The following WASHC5 variants were observed in gnomAD, a reference collection of about 807,000 sequenced individuals.
The protein encoded by WASHC5 is WASH complex subunit 5.
In WASHC5, 101 loss-of-function variants were observed where a neutral mutation model predicts 150.4. That is an observed-to-expected ratio of 0.67 (90% CI 0.57 to 0.79). The LOEUF (loss-of-function observed/expected upper bound fraction) is 0.79, where lower values mean the gene tolerates loss of function less well. WASHC5 is among the 30% of genes least tolerant of loss of function. The pLI is 0.00. For missense variants in WASHC5, 1,195 were observed against 1,396.3 expected, an observed-to-expected ratio of 0.86 and a Z score of 2.30; for synonymous variants, 467 against 491.2, an observed-to-expected ratio of 0.95 and a Z score of 0.65.
chr8:125,074,913 T>C, intron 8 of WASHC5, 85 bp downstream of exon 8: 1 of 839,944 alleles, frequency 1.2e-6, no homozygotes, highest in South Asian at 1.3e-5. Context: ...ATCTTCCAAA[T>C]TCCTTGGGAA....
chr8:125,086,621 A>C (rs1817428330), intron 1 of WASHC5, among the ~76,000 whole-genome samples: 1 of 152,102 alleles, frequency 6.6e-6, no homozygotes, highest in Admixed American at 6.5e-5. Context: ...TTTTGGGGGG[A>C]CCCAACTCAG....
At chr8:125,069,939 G>C (rs1464620328) in intron 9 of WASHC5, among the ~76,000 whole-genome samples, 1 of 152,182 alleles carries the variant, frequency 6.6e-6, no homozygotes, top group Non-Finnish European at 1.5e-5. Context: ...GTACCCAGTT[G>C]TTGGACAAAC....
chr8:125,027,633 G>A (rs1308523248), intron 28 of WASHC5, among the ~76,000 whole-genome samples: 1 of 152,168 alleles, frequency 6.6e-6, no homozygotes, highest in Non-Finnish European at 1.5e-5. Context: ...AATGGGAGGG[G>A]AGTGAGGATA....
intron 9 of WASHC5, among the ~76,000 whole-genome samples, chr8:125,068,853 T>G (rs942785908): frequency 3.3e-5 from 5 of 152,234 alleles, no homozygotes; most frequent in African/African-American, 1.2e-4. Context: ...TCTTAGATGA[T>G]CCTATCTGCC....
chr8:125,038,761 T>C (rs1815789298), intron 25 of WASHC5, 69 bp downstream of exon 25: 2 of 1,582,426 alleles, frequency 1.3e-6, no homozygotes. Flanking sequence ...TTCTGCACAG[T>C]AATCTGTTAC....
At chr8:125,026,821 A>G (rs1430672774) in intron 28 of WASHC5, among the ~76,000 whole-genome samples, 2 of 152,110 alleles carry the variant, frequency 1.3e-5, no homozygotes, top group East Asian at 3.8e-4. Context: ...AATACTTGAT[A>G]TAATATTTTA....
intron 1 of WASHC5, among the ~76,000 whole-genome samples, chr8:125,090,871 C>T (rs1381938734): frequency 6.6e-6 from 1 of 152,122 alleles, no homozygotes; most frequent in Non-Finnish European, 1.5e-5. Context: ...ATGCAAGCTG[C>T]ATATATTTTC....
chr8:125,067,748 A>G (rs1201370013), intron 9 of WASHC5, 29 bp from the exon 10 acceptor site: 1 of 1,609,278 alleles, frequency 6.2e-7, no homozygotes, highest in East Asian at 2.2e-5. Flanking sequence ...TTACCTGCTT[A>G]CTAAATGTGT....
chr8:125,067,559 A>C (rs1258918283), intron 10 of WASHC5, 33 bp downstream of exon 10: 2 of 1,568,834 alleles, frequency 1.3e-6, no homozygotes, highest in African/African-American at 1.4e-5. Context: ...AAAAAAGCTA[A>C]GACTGTGGTG....
rs551649682 is a variant in WASHC5, at chr8:125,071,601, T to C, written c.1150+1552A>G. Among the ~76,000 whole-genome samples the C allele has an allele frequency of 7.9e-5, 12 of 152,322 alleles. No homozygotes were observed. The East Asian group carries it at 2.3e-3, about 29-fold the overall frequency. On this transcript the variant is annotated intron_variant, in intron 9 of 28. Transcript: ENST00000318410. ...GCCTGGTTGGCTCCTGATTCCTGTATGGGGTTTCCTGACCTCCTCTGCTCC... is the reference window on the plus strand; with the variant it reads ...GCCTGGTTGGCTCCTGATTCCTGTACGGGGTTTCCTGACCTCCTCTGCTCC...
chr8:125,073,849 C>T (rs932966894), intron 8 of WASHC5, among the ~76,000 whole-genome samples: 2 of 152,204 alleles, frequency 1.3e-5, no homozygotes, highest in Non-Finnish European at 2.9e-5. Context: ...CAAACGGAGA[C>T]TTGGACCAGG....
chr8:125,057,752 A>T (rs1255508260), intron 14 of WASHC5, 86 bp from the exon 15 acceptor site: 151 of 870,334 alleles, frequency 1.7e-4, no homozygotes, highest in Non-Finnish European at 2.2e-4. Context: ...CATACAACAA[A>T]ACATTTGGGT....
intron 15 of WASHC5, among the ~76,000 whole-genome samples, 186 bp from the exon 16 acceptor site, chr8:125,057,003 G>A (rs1006157688): frequency 6.6e-6 from 1 of 152,112 alleles, no homozygotes; most frequent in Non-Finnish European, 1.5e-5. Context: ...AGAATATAAA[G>A]CTAATCCTTC....
rs757639369 is a variant in WASHC5, at chr8:125,081,709, A to G, written c.470T>C (p.Ile157Thr). 6.2e-6 allele frequency: 10 copies of G among 1,612,974 alleles called. No homozygotes were observed. Among genetic ancestry groups the G allele is most frequent in the South Asian group, 1.1e-5 (1 of 91,066 alleles). ...GVMLLVIDQK[I>T]EGEVRERMLV... ...CATCCTCTCTCTGACTTCTCCTTCA[A>G]TCTTTTGGTCAATGACCAGTAGCAT... Residue 157 changes from isoleucine to threonine, a missense_variant, in exon 5 of 29, where the codon ATT becomes ACT. Physicochemically the swap from Ile to Thr is moderately conservative, Grantham distance 89. Transcript: ENST00000318410.
At chr8:125,068,747 T>G (rs1412548207) in intron 9 of WASHC5, among the ~76,000 whole-genome samples, 5 of 152,122 alleles carry the variant, frequency 3.3e-5, no homozygotes, top group South Asian at 2.1e-4. Context: ...TGGCAGGCAG[T>G]CAGAGTTTTC....
In WASHC5 at chr8:125,075,001, T is replaced by C. The variant is rs773768832; in HGVS notation, c.975A>G (p.Glu325=). 7 of 1,594,702 alleles carry C rather than the reference T, an allele frequency of 4.4e-6. No individual in the cohort carries two copies. The highest frequency in any genetic ancestry group is 6.0e-6 in the Non-Finnish European group (7 of 1,162,608). Residue 325 remains glutamate, a synonymous_variant, in exon 8 of 29, where the codon GAA becomes GAG. Coordinates refer to ENST00000318410, the MANE Select transcript of WASHC5 (RefSeq NM_014846.4). ...ATGTCCCCAGATTAGAACCTACCTG[T>C]TCTCTGACATTTGAAAGGTCCAGGG... ...NNTLDLSNVR[E]QASRYATVSE...
intron 7 of WASHC5, among the ~76,000 whole-genome samples, chr8:125,076,049 T>C (rs1211461978): frequency 6.6e-6 from 1 of 152,216 alleles, no homozygotes; most frequent in Non-Finnish European, 1.5e-5. Context: ...AATAAATAAA[T>C]TCTTACACAA....
intron 10 of WASHC5, among the ~76,000 whole-genome samples, chr8:125,064,205 T>C (rs10107270): frequency 0.19 from 28,167 of 151,920 alleles, 3,094 homozygotes; most frequent in Middle Eastern, 0.34. Context: ...TTGTTATTTA[T>C]TTATTTAGTT....
intron 28 of WASHC5, among the ~76,000 whole-genome samples, chr8:125,026,607 T>A (rs939142582): frequency 9.9e-5 from 15 of 152,170 alleles, no homozygotes; most frequent in Non-Finnish European, 1.9e-4. Context: ...TAAAGGGGAC[T>A]AAGTTGCTAT....
Sources: gnomAD v4.1 joint callset for allele counts (sites outside exome capture counted in the v4.1 genomes callset) on GRCh38, gnomAD v4.1.1 for gene constraint, MANE v1.5 for transcripts, NCBI Gene and HGNC (gene_info 2026-07-23, HGNC 2026-07-21) for gene names.